The following SPATS2 variants were observed in gnomAD, a reference collection of about 807,000 sequenced individuals.
SPATS2 encodes spermatogenesis associated serine rich 2.
SPATS2 carries 38 observed loss-of-function variants against 63.7 expected under a neutral mutation model. The ratio of observed to expected loss-of-function variants is 0.60; its 90% CI spans 0.46 to 0.78. SPATS2 has a LOEUF of 0.78. Ranked by LOEUF, SPATS2 falls within the 30% of genes least tolerant of loss-of-function variation. SPATS2 has a pLI of 0.00. For synonymous variants in SPATS2, 207 were observed against 232.9 expected (o/e 0.89, Z 1.01); for missense variants, 588 against 666.2 (o/e 0.88, Z 1.29).
At chr12:49,464,705 T>TA (rs1191123071) in intron 3 of SPATS2, among the ~76,000 whole-genome samples, 16 of 151,852 alleles carry the variant, frequency 1.1e-4, no homozygotes, top group Non-Finnish European at 2.2e-4. Context: ...ACATGCCTGT[T>TA]ACAGTCCCAG....
At position 49,494,887 on chromosome 12, in the gene SPATS2, C is replaced by G. The variant is rs1254420463; in HGVS notation, c.411C>G (p.Ala137=). 9.9e-6 allele frequency: 16 copies of G among 1,613,698 alleles called. No individual in the cohort carries two copies. Among genetic ancestry groups the G allele is most frequent in the Non-Finnish European group, 1.3e-5 (15 of 1,180,012 alleles). The change falls in exon 7 of 14, where the codon GCC becomes GCG. Residue 137 remains alanine, a synonymous_variant. Coordinates refer to ENST00000552918, the MANE Select transcript of SPATS2 (RefSeq NM_023071.4). ...TGAATGGCTACCATGTCAATGGTGC[C>G]ATCAATGACACTGAGTCTGTGGACT... is the stretch of plus-strand genomic sequence containing the variant. The part of the protein sequence containing the change: ...GGMNGYHVNG[A]INDTESVDSL...
At chr12:49,477,603 C>A (rs1030705048) in intron 3 of SPATS2, among the ~76,000 whole-genome samples, 2 of 152,006 alleles carry the variant, frequency 1.3e-5, no homozygotes, top group Non-Finnish European at 2.9e-5. Context: ...TGTAGTTTGA[C>A]CATTGGCAAC....
intron 2 of SPATS2, among the ~76,000 whole-genome samples, chr12:49,384,711 TA>T (rs1202524278): frequency 5.3e-5 from 8 of 152,220 alleles, no homozygotes; most frequent in African/African-American, 1.9e-4. Context: ...CACTAGATTA[TA>T]AGCTCCCTCC....
intron 2 of SPATS2, among the ~76,000 whole-genome samples, chr12:49,456,570 A>AT (rs745930849): frequency 1.2e-4 from 19 of 152,242 alleles, no homozygotes; most frequent in Non-Finnish European, 2.6e-4. Context: ...TATAATTTTA[A>AT]TAGCAGCCAT....
At chr12:49,426,039 G>A (rs1241390670) in intron 2 of SPATS2, among the ~76,000 whole-genome samples, 1 of 152,216 alleles carries the variant, frequency 6.6e-6, no homozygotes, top group Non-Finnish European at 1.5e-5. Context: ...GTATTGCATA[G>A]TGGGAAGAGA....
chr12:49,437,842 T>C (rs1945344029), intron 2 of SPATS2, among the ~76,000 whole-genome samples: 1 of 151,298 alleles, frequency 6.6e-6, no homozygotes, highest in African/African-American at 2.4e-5. Context: ...AGGGAGACCG[T>C]GGGGAGAGGG....
chr12:49,370,687 T>C (rs974368211), intron 1 of SPATS2, among the ~76,000 whole-genome samples: 2 of 152,234 alleles, frequency 1.3e-5, no homozygotes, highest in Admixed American at 1.3e-4. Flanking sequence ...GATCTCGCTA[T>C]GTTGCCCAGT....
chr12:49,383,645 TC>T (rs1189615705), intron 2 of SPATS2, among the ~76,000 whole-genome samples: 1 of 152,146 alleles, frequency 6.6e-6, no homozygotes, highest in Non-Finnish European at 1.5e-5. Flanking sequence ...CAGGTGATCC[TC>T]CCACCTCAGC....
At chr12:49,479,104 C>G (rs1176475623) in intron 3 of SPATS2, among the ~76,000 whole-genome samples, 1 of 152,250 alleles carries the variant, frequency 6.6e-6, no homozygotes, top group African/African-American at 2.4e-5. Flanking sequence ...TGTCCTCTCT[C>G]CATCCCCTGC....
At chr12:49,459,260 G>A (rs139170523) in intron 2 of SPATS2, among the ~76,000 whole-genome samples, 10 of 152,272 alleles carry the variant, frequency 6.6e-5, no homozygotes, top group African/African-American at 2.4e-4. Context: ...TGTGCTAGAA[G>A]ATAAATTACC....
At chr12:49,468,282 C>T (rs1945965851) in intron 3 of SPATS2, among the ~76,000 whole-genome samples, 1 of 151,570 alleles carries the variant, frequency 6.6e-6, no homozygotes, top group African/African-American at 2.4e-5. Context: ...GCCTCAGCCT[C>T]CTGAGTAGCT....
intron 2 of SPATS2, among the ~76,000 whole-genome samples, chr12:49,411,382 A>G (rs1172416139): frequency 6.6e-6 from 1 of 152,112 alleles, no homozygotes. Context: ...ATGAATATGC[A>G]TGTTTTACTG....
intron 8 of SPATS2, among the ~76,000 whole-genome samples, chr12:49,497,667 TAC>T (rs1946487246): frequency 6.6e-6 from 1 of 152,158 alleles, no homozygotes; most frequent in Admixed American, 6.5e-5. Context: ...GTGCTGGAAT[TAC>T]AGGCGTGAGC....
intron 2 of SPATS2, among the ~76,000 whole-genome samples, chr12:49,427,686 A>G (rs1014621229): frequency 2.0e-5 from 3 of 152,236 alleles, no homozygotes; most frequent in Non-Finnish European, 4.4e-5. Context: ...TTAGAGTTAC[A>G]GGACTATGTC....
chr12:49,518,039 T>C (rs1214993606), intron 10 of SPATS2, among the ~76,000 whole-genome samples: 1 of 152,210 alleles, frequency 6.6e-6, no homozygotes, highest in African/African-American at 2.4e-5. Context: ...TTAGTTAATA[T>C]TCAGCTGAAA....
intron 2 of SPATS2, among the ~76,000 whole-genome samples, chr12:49,399,952 C>T (rs1452664035): frequency 6.6e-6 from 1 of 152,150 alleles, no homozygotes; most frequent in Admixed American, 6.5e-5. Flanking sequence ...AGGAGAATGG[C>T]GTGAACCCGG....
Position 49,423,202 on chromosome 12 carries a change from G to A in SPATS2, c.-243-37568G>A, listed in dbSNP as rs1177140502. On this transcript the variant is annotated intron_variant, in intron 2 of 13. Transcript: ENST00000552918. The stretch of plus-strand genomic sequence containing the variant: ...GGCTGGAGTGCAGTGGTGCGATCTC[G>A]GCTCACTGCAGTGTCTGCCTCATGG... Among the ~76,000 whole-genome samples, 8 of 151,146 alleles carry A rather than the reference G, an allele frequency of 5.3e-5. No individual in the cohort carries two copies. The South Asian group carries it at 1.3e-3, about 24-fold the overall frequency.
chr12:49,374,215 T>TG lies in SPATS2; in HGVS notation c.-244+2926dup, dbSNP rs1439713297. On this transcript the variant is annotated intron_variant, in intron 2 of 13. Transcript: ENST00000552918. ...GTGCCATCATAGTTCACTGCGTCCT[T>TG]GAACTCCTTGAACTCAGGTGATTCT... Among the ~76,000 whole-genome samples the TG allele has an allele frequency of 2.6e-5, 4 of 152,300 alleles. No individual in the cohort carries two copies. In the East Asian group the frequency reaches 7.7e-4, roughly 29 times the overall value.
Position 49,390,118 on chromosome 12 carries a change from T to C in SPATS2, c.-244+18828T>C. The C allele has an allele frequency of 2.6e-6, 4 of 1,528,178 alleles. No homozygotes were observed. The South Asian group carries it at 4.5e-5, about 17-fold the overall frequency. The allele number at this position is 1,528,178 out of a possible 1,614,324, so 94.7% of individuals were successfully genotyped here. On this transcript the variant is annotated intron_variant, in intron 2 of 13. Coordinates refer to ENST00000552918, the MANE Select transcript of SPATS2 (RefSeq NM_023071.4). ...AGAAGATGTGTCGGAAAGTACTTCTTTGTCAGCATTAGTGACCAACAGTGA... is the reference window on the plus strand; with the variant it reads ...AGAAGATGTGTCGGAAAGTACTTCTCTGTCAGCATTAGTGACCAACAGTGA...
Sources: allele counts gnomAD v4.1 joint callset (sites outside exome capture counted in the v4.1 genomes callset), GRCh38; gene constraint gnomAD v4.1.1; transcripts MANE v1.5; gene names NCBI Gene and HGNC (gene_info 2026-07-23, HGNC 2026-07-21).